Variants in GNAL observed in about 807,000 individuals in gnomAD.
GNAL encodes the protein G protein subunit alpha L.
GNAL carries 18 observed loss-of-function variants against 55.1 expected under a neutral mutation model. The observed-to-expected ratio is 0.33, with a 90% confidence interval of 0.23 to 0.48. The LOEUF (loss-of-function observed/expected upper bound fraction) is 0.48. GNAL is among the 20% of genes least tolerant of loss of function. The pLI is 0.99. For missense variants in GNAL, 412 were observed against 614.1 expected (o/e 0.67, Z 3.48); for synonymous variants, 253 against 237.0 (o/e 1.07, Z -0.62).
chr18:11,876,993 T>C (rs2036546905), intron 11 of GNAL, among the ~76,000 whole-genome samples: 1 of 152,168 alleles, frequency 6.6e-6, no homozygotes, highest in African/African-American at 2.4e-5. Context: ...ACAGCGTCCT[T>C]CAGCAGAGTC....
At chr18:11,717,312 G>C (rs1007223254) in intron 1 of GNAL, among the ~76,000 whole-genome samples, 3 of 152,248 alleles carry the variant, frequency 2.0e-5, no homozygotes, top group African/African-American at 7.2e-5. Context: ...CAAGCTGAGG[G>C]AGCCGGCTCT....
chr18:11,853,739 T>G (rs1282312668), intron 5 of GNAL: 1 of 166,218 alleles, frequency 6.0e-6, no homozygotes, highest in Non-Finnish European at 1.5e-5. Context: ...GTTAGTTGTC[T>G]GCCCAGCATC....
chr18:11,692,784 G>A (rs2031293604), intron 1 of GNAL, among the ~76,000 whole-genome samples: 3 of 151,154 alleles, frequency 2.0e-5, no homozygotes, highest in African/African-American at 4.9e-5. Flanking sequence ...TGGGTGGTGC[G>A]CTGGAGACCC....
At chr18:11,721,249 A>C (rs984242333) in intron 1 of GNAL, among the ~76,000 whole-genome samples, 12 of 152,256 alleles carry the variant, frequency 7.9e-5, no homozygotes, top group Non-Finnish European at 1.6e-4. Context: ...CTCATGACAG[A>C]TTCAAACATT....
intron 1 of GNAL, among the ~76,000 whole-genome samples, chr18:11,707,939 C>T (rs188683520): frequency 6.6e-6 from 1 of 152,374 alleles, no homozygotes; most frequent in East Asian, 1.9e-4. Flanking sequence ...CCTCTCTCAA[C>T]CTTCCTAGAA....
chr18:11,734,343 A>G (rs911043697), intron 1 of GNAL, among the ~76,000 whole-genome samples: 1 of 151,686 alleles, frequency 6.6e-6, no homozygotes, highest in Non-Finnish European at 1.5e-5. Flanking sequence ...GGGTTTCATC[A>G]TGTTGGCCAG....
chr18:11,849,526 GAAAA>G (rs2035810499), intron 5 of GNAL, among the ~76,000 whole-genome samples: 4 of 145,250 alleles, frequency 2.8e-5, no homozygotes, highest in African/African-American at 1.0e-4. Flanking sequence ...AAAAAAGAAA[GAAAA>G]GAAAAAAGAA....
chr18:11,825,499 G>A (rs190290880), intron 5 of GNAL, among the ~76,000 whole-genome samples: 31 of 152,288 alleles, frequency 2.0e-4, no homozygotes, highest in Admixed American at 2.0e-3. Context: ...GGGAGGCCAA[G>A]GCAGGCGGAT....
At chr18:11,855,339 C>G (rs547159941) in intron 5 of GNAL, among the ~76,000 whole-genome samples, 1 of 152,162 alleles carries the variant, frequency 6.6e-6, no homozygotes, top group South Asian at 2.1e-4. Context: ...ACAAAAGTAT[C>G]CAACTGAAAC....
At chr18:11,823,883 G>C (rs1786567) in intron 4 of GNAL, among the ~76,000 whole-genome samples, 105,931 of 152,062 alleles carry the variant, frequency 0.7, 38,506 homozygotes, top group Admixed American at 0.82. Flanking sequence ...TTCCATAGCC[G>C]TTTTGGGTAA....
intron 1 of GNAL, among the ~76,000 whole-genome samples, chr18:11,723,749 C>T (rs1186380176): frequency 6.6e-6 from 1 of 152,198 alleles, no homozygotes; most frequent in South Asian, 2.1e-4. Context: ...ACTCCCCTTT[C>T]TTCTGTCCTC....
chr18:11,757,539 G>T (rs1383706317), intron 4 of GNAL, among the ~76,000 whole-genome samples: 2 of 152,152 alleles, frequency 1.3e-5, no homozygotes, highest in African/African-American at 4.8e-5. Context: ...GGCCTGAGTT[G>T]GGATTTATTT....
At chr18:11,715,419 C>T (rs1221868664) in intron 1 of GNAL, among the ~76,000 whole-genome samples, 1 of 148,840 alleles carries the variant, frequency 6.7e-6, no homozygotes, top group African/African-American at 2.5e-5. Context: ...CGAGATCGCG[C>T]CACTGCACTC....
intron 1 of GNAL, among the ~76,000 whole-genome samples, chr18:11,732,783 T>C (rs2032368283): frequency 6.6e-6 from 1 of 152,216 alleles, no homozygotes. Context: ...CATTGTTTTG[T>C]CAATGTAAAT....
At chr18:11,811,051 G>A (rs892120933) in intron 4 of GNAL, among the ~76,000 whole-genome samples, 2 of 152,112 alleles carry the variant, frequency 1.3e-5, no homozygotes, top group Non-Finnish European at 2.9e-5. Context: ...TTCTGTAGAT[G>A]TTTCTAGAAT....
Position 11,868,607 on chromosome 18 carries a change from C to T in GNAL, c.975C>T (p.Asn325=), listed in dbSNP as rs2036319519. The stretch of plus-strand genomic sequence containing the variant: ...ACAACATGGTGATTCGAGAAGATAA[C>T]AACACCAACAGGCTGAGAGAGTCCC... ...SSYNMVIRED[N]NTNRLRESLD... The change falls in exon 9 of 12, where the codon AAC becomes AAT. Residue 325 remains asparagine (N), a synonymous_variant. Coordinates refer to ENST00000334049, the MANE Select transcript of GNAL (RefSeq NM_182978.4). The surrounding 1 kb of genome is among the most constrained non-coding windows in gnomAD (Gnocchi z 4.0). 1.9e-6 allele frequency: 3 copies of T among 1,611,512 alleles called. No homozygotes were observed. In the African/African-American group the frequency reaches 4.0e-5, roughly 22 times the overall value.
intron 1 of GNAL, among the ~76,000 whole-genome samples, chr18:11,694,375 T>G (rs911050214): frequency 1.3e-5 from 2 of 152,234 alleles, no homozygotes; most frequent in African/African-American, 4.8e-5. Context: ...TGACTCAGCT[T>G]TCTTTCCTGC....
intron 10 of GNAL, chr18:11,874,464 G>C (rs1402632774): frequency 9.9e-6 from 1 of 100,768 alleles, no homozygotes; most frequent in Non-Finnish European, 2.1e-5. Context: ...GCGTGGTGGT[G>C]TGCGCCTGTA....
At chr18:11,844,631 T>C (rs2035691549) in intron 5 of GNAL, among the ~76,000 whole-genome samples, 1 of 152,016 alleles carries the variant, frequency 6.6e-6, no homozygotes, top group African/African-American at 2.4e-5. Flanking sequence ...TGCACACACA[T>C]GTCCCCGGGA....
Sources: gnomAD v4.1 joint callset for allele counts (sites outside exome capture counted in the v4.1 genomes callset) on GRCh38, gnomAD v4.1.1 for gene constraint, Gnocchi (gnomAD v3.1) non-coding constraint, MANE v1.5 for transcripts, NCBI Gene and HGNC (gene_info 2026-07-23, HGNC 2026-07-21) for gene names.